KIF6: variants seen among roughly 807,000 people sequenced by gnomAD.
KIF6 encodes kinesin family member 6, also known as kinesin-like protein KIF6.
KIF6 carries 106 observed loss-of-function variants against 112.7 expected under a neutral mutation model. The ratio of observed to expected loss-of-function variants is 0.94; its 90% CI spans 0.80 to 1.11. KIF6 has a LOEUF of 1.11. KIF6 is among the 50% of genes least tolerant of loss of function. KIF6 has a pLI of 0.00. For missense variants in KIF6, 929 were observed against 964.0 expected, an observed-to-expected ratio of 0.96 and a Z score of 0.48; for synonymous variants, 339 against 339.9, an observed-to-expected ratio of 1.00 and a Z score of 0.03.
intron 10 of KIF6, among the ~76,000 whole-genome samples, chr6:39,552,217 T>C (rs1368793464): frequency 6.6e-6 from 1 of 152,208 alleles, no homozygotes; most frequent in Non-Finnish European, 1.5e-5. Context: ...TAGTCAACCA[T>C]GTCCTGAGCA....
At chr6:39,547,068 TC>T (rs546829446) in intron 10 of KIF6, among the ~76,000 whole-genome samples, 153 of 152,348 alleles carry the variant, frequency 1.0e-3, no homozygotes, top group African/African-American at 3.2e-3. Context: ...ACAATCAGTA[TC>T]TATGATGTTA....
At chr6:39,496,859 T>C (rs1775814087) in intron 13 of KIF6, among the ~76,000 whole-genome samples, 1 of 152,260 alleles carries the variant, frequency 6.6e-6, no homozygotes, top group African/African-American at 2.4e-5. Flanking sequence ...TTAACAAATT[T>C]AGGAATTCCA....
At chr6:39,525,996 TAAAC>T (rs1281735155) in intron 13 of KIF6, among the ~76,000 whole-genome samples, 4 of 152,054 alleles carry the variant, frequency 2.6e-5, no homozygotes, top group African/African-American at 4.8e-5. Context: ...TTGTTGAAAA[TAAAC>T]AAACAAGCAA....
chr6:39,450,479 T>C (rs755784964), intron 13 of KIF6, among the ~76,000 whole-genome samples: 1 of 152,162 alleles, frequency 6.6e-6, no homozygotes, highest in Non-Finnish European at 1.5e-5. Context: ...GGCTTGCCCA[T>C]TGAAGAAAAC....
intron 13 of KIF6, among the ~76,000 whole-genome samples, chr6:39,438,830 C>T (rs758663219): frequency 2.6e-5 from 4 of 152,104 alleles, no homozygotes; most frequent in South Asian, 2.1e-4. Context: ...AAACCAACTC[C>T]GTCCTTCAAG....
At chr6:39,523,176 C>T (rs551861424) in intron 13 of KIF6, among the ~76,000 whole-genome samples, 15 of 152,100 alleles carry the variant, frequency 9.9e-5, no homozygotes, top group Non-Finnish European at 2.1e-4. Flanking sequence ...CCATTCTAAT[C>T]AGTTCTCTTT....
chr6:39,408,868 T>C (rs1233113805), intron 15 of KIF6, among the ~76,000 whole-genome samples: 1 of 152,104 alleles, frequency 6.6e-6, no homozygotes, highest in African/African-American at 2.4e-5. Flanking sequence ...ACCACCCCAA[T>C]GAATCTATGA....
intron 3 of KIF6, among the ~76,000 whole-genome samples, chr6:39,681,768 A>G (rs765667966): frequency 7.9e-5 from 12 of 152,204 alleles, no homozygotes; most frequent in Admixed American, 2.0e-4. Flanking sequence ...TGGAAATGCA[A>G]TTTCTGGCCC....
intron 19 of KIF6, among the ~76,000 whole-genome samples, chr6:39,346,733 C>T (rs769717089): frequency 1.2e-4 from 19 of 152,268 alleles, no homozygotes; most frequent in Admixed American, 2.6e-4. Context: ...CTGCAACCTC[C>T]GCTTCCTGGG....
chr6:39,379,305 G>A (rs958138736), intron 16 of KIF6, among the ~76,000 whole-genome samples: 5 of 152,222 alleles, frequency 3.3e-5, no homozygotes, highest in Admixed American at 1.3e-4. Flanking sequence ...TTTTAAATGG[G>A]CTTATTTTAT....
intron 21 of KIF6, among the ~76,000 whole-genome samples, chr6:39,344,898 G>A (rs1763589795): frequency 6.6e-6 from 1 of 152,216 alleles, no homozygotes; most frequent in Admixed American, 6.5e-5. Context: ...GCTGCGATGT[G>A]TGGCCGGGTG....
At chr6:39,679,600 G>GTTTCT (rs1026535354) in intron 3 of KIF6, among the ~76,000 whole-genome samples, 8 of 146,178 alleles carry the variant, frequency 5.5e-5, no homozygotes, top group Non-Finnish European at 1.0e-4. Flanking sequence ...ACATGGCAGG[G>GTTTCT]TTTCTTTTCT....
At chr6:39,725,073 C>G (rs2926473) in intron 1 of KIF6, among the ~76,000 whole-genome samples, 172 bp downstream of exon 1, 49,002 of 152,054 alleles carry the variant, frequency 0.32, 9,284 homozygotes, top group Non-Finnish European at 0.41. Context: ...GACAGCAGTG[C>G]GCGGGGGTCT....
chr6:39,455,532 C>A (rs1053659645), intron 13 of KIF6, among the ~76,000 whole-genome samples: 9 of 152,114 alleles, frequency 5.9e-5, no homozygotes, highest in African/African-American at 2.2e-4. Flanking sequence ...ATGATTTTGA[C>A]GAGCTGAAGG....
chr6:39,545,381 G>A (rs182578722), intron 11 of KIF6, among the ~76,000 whole-genome samples: 63 of 152,282 alleles, frequency 4.1e-4, no homozygotes, highest in African/African-American at 1.4e-3. Context: ...AGAAGTCCAT[G>A]GCCTGAGTTT....
At chr6:39,471,128 T>A (rs1003061649) in intron 13 of KIF6, among the ~76,000 whole-genome samples, 1 of 151,984 alleles carries the variant, frequency 6.6e-6, no homozygotes, top group African/African-American at 2.4e-5. Context: ...CTCTGCTAGG[T>A]TTTCATTTCC....
intron 13 of KIF6, among the ~76,000 whole-genome samples, chr6:39,475,608 C>G (rs1019653103): frequency 6.6e-6 from 1 of 152,194 alleles, no homozygotes; most frequent in Non-Finnish European, 1.5e-5. Context: ...GTCCCCTTTT[C>G]TGCATACCTG....
At chr6:39,506,937 T>G (rs927611652) in intron 13 of KIF6, among the ~76,000 whole-genome samples, 6 of 152,202 alleles carry the variant, frequency 3.9e-5, no homozygotes, top group African/African-American at 1.2e-4. Context: ...GCCTGGAAAC[T>G]CCAGGCCATC....
rs138626673 is a variant in KIF6 at position 39,560,066 on chromosome 6, T to G, written c.1182-14378A>C. ...GTTGCTAAATCTGGCCACCCTAAGC[T>G]GAAAGCCAGAAAACCTGCAGGCATT... On this transcript the variant is annotated intron_variant, in intron 10 of 22. Coordinates refer to ENST00000287152, the MANE Select transcript of KIF6 (RefSeq NM_145027.6). Among the ~76,000 whole-genome samples, 263 of 152,342 alleles carry G rather than the reference T, an allele frequency of 1.7e-3. 3 individuals carry two copies. Among genetic ancestry groups the G allele is most frequent in the African/African-American group, 6.0e-3 (248 of 41,574 alleles).
Sources: allele counts gnomAD v4.1 joint callset (sites outside exome capture counted in the v4.1 genomes callset), GRCh38; gene constraint gnomAD v4.1.1; transcripts MANE v1.5; gene names NCBI Gene and HGNC (gene_info 2026-07-23, HGNC 2026-07-21).